The following CNTNAP2 variants were observed in gnomAD, a reference collection of about 807,000 sequenced individuals.
CNTNAP2 encodes contactin-associated protein-like 2.
CNTNAP2 carries 98 observed loss-of-function variants against 155.2 expected under a neutral mutation model. The ratio of observed to expected loss-of-function variants is 0.63; its 90% CI spans 0.54 to 0.75. The LOEUF (loss-of-function observed/expected upper bound fraction) is 0.75. CNTNAP2 is among the 30% of genes least tolerant of loss of function. The pLI is 0.00. For synonymous variants in CNTNAP2, 651 were observed against 631.2 expected (o/e 1.03, Z -0.47); for missense variants, 1,727 against 1,688.1 (o/e 1.02, Z -0.40).
chr7:146,850,973 A>G (rs1794867263), intron 3 of CNTNAP2, among the ~76,000 whole-genome samples: 3 of 151,774 alleles, frequency 2.0e-5, no homozygotes, highest in Non-Finnish European at 4.4e-5. Flanking sequence ...AGATGTTGGT[A>G]TTTTATTTAT....
At chr7:146,842,322 C>T (rs1421179178) in intron 3 of CNTNAP2, among the ~76,000 whole-genome samples, 1 of 152,102 alleles carries the variant, frequency 6.6e-6, no homozygotes, top group Non-Finnish European at 1.5e-5. Flanking sequence ...GATAAAGGTG[C>T]ATTTCTATTG....
intron 21 of CNTNAP2, among the ~76,000 whole-genome samples, chr7:148,345,869 T>G (rs947601790): frequency 6.6e-6 from 1 of 152,188 alleles, no homozygotes; most frequent in African/African-American, 2.4e-5. Context: ...TGGTGTGACA[T>G]TTGATGTAAA....
intron 2 of CNTNAP2, among the ~76,000 whole-genome samples, chr7:146,790,041 C>T (rs1802643338): frequency 6.6e-6 from 1 of 151,848 alleles, no homozygotes; most frequent in Non-Finnish European, 1.5e-5. Context: ...GACATTTTGC[C>T]TTTCATTTTG....
At chr7:146,968,900 G>T (rs1308937082) in intron 3 of CNTNAP2, among the ~76,000 whole-genome samples, 1 of 145,518 alleles carries the variant, frequency 6.9e-6, no homozygotes, top group Non-Finnish European at 1.5e-5. Flanking sequence ...TAATTGTGAT[G>T]TTAGGGTGTC....
intron 1 of CNTNAP2, among the ~76,000 whole-genome samples, chr7:146,651,912 C>T (rs989856070): frequency 6.6e-6 from 1 of 152,008 alleles, no homozygotes; most frequent in African/African-American, 2.4e-5. Context: ...ACTCAGACCA[C>T]GTGCACACAA....
chr7:146,379,711 C>A (rs1038481046), intron 1 of CNTNAP2, among the ~76,000 whole-genome samples: 2 of 152,198 alleles, frequency 1.3e-5, no homozygotes, highest in African/African-American at 4.8e-5. Flanking sequence ...TCCTCCAACT[C>A]TGTTTGACCT....
intron 16 of CNTNAP2, among the ~76,000 whole-genome samples, chr7:148,135,724 G>A (rs544895740): frequency 4.6e-4 from 66 of 143,732 alleles, no homozygotes; most frequent in African/African-American, 1.2e-3. Flanking sequence ...TGGCAGGTGC[G>A]TGTAATCCCA....
intron 3 of CNTNAP2, among the ~76,000 whole-genome samples, chr7:146,970,926 T>C (rs1233991940): frequency 1.3e-5 from 2 of 151,760 alleles, no homozygotes; most frequent in Non-Finnish European, 2.9e-5. Flanking sequence ...ATGGATGAAA[T>C]TGGAAATCAT....
chr7:147,208,773 T>C (rs1021888158), intron 8 of CNTNAP2, among the ~76,000 whole-genome samples: 14 of 151,998 alleles, frequency 9.2e-5, no homozygotes, highest in African/African-American at 3.4e-4. Context: ...CAAAAAACAA[T>C]AATGTAATTT....
At chr7:147,053,035 T>C (rs1051377275) in intron 4 of CNTNAP2, among the ~76,000 whole-genome samples, 1 of 152,136 alleles carries the variant, frequency 6.6e-6, no homozygotes, top group Non-Finnish European at 1.5e-5. Context: ...TGCTTTGTAA[T>C]AGACAGCTGT....
At chr7:146,507,081 G>A (rs1797395206) in intron 1 of CNTNAP2, among the ~76,000 whole-genome samples, 1 of 152,134 alleles carries the variant, frequency 6.6e-6, no homozygotes, top group African/African-American at 2.4e-5. Flanking sequence ...TTGCTAAGGT[G>A]GATATCTCTG....
intron 18 of CNTNAP2, among the ~76,000 whole-genome samples, chr7:148,185,929 C>T (rs372831190): frequency 1.3e-5 from 2 of 152,172 alleles, no homozygotes; most frequent in Admixed American, 1.3e-4. Flanking sequence ...CATACAACAA[C>T]CTCCTGAATC....
chr7:146,872,840 G>A (rs893875681), intron 3 of CNTNAP2, among the ~76,000 whole-genome samples: 15 of 152,144 alleles, frequency 9.9e-5, no homozygotes, highest in Non-Finnish European at 1.8e-4. Context: ...TCATGCAAAT[G>A]GTTCAGTGTT....
chr7:147,978,179 G>C (rs1195516453), intron 15 of CNTNAP2, 190 bp downstream of exon 15: 1 of 700,876 alleles, frequency 1.4e-6, no homozygotes, highest in African/African-American at 1.8e-5. Context: ...GCCGAGATTT[G>C]GGCATAAAGT....
intron 1 of CNTNAP2, among the ~76,000 whole-genome samples, chr7:146,720,865 ATATATATATTCTATATATATACTCTC>A (rs1022635602): frequency 5.0e-5 from 7 of 139,356 alleles, no homozygotes; most frequent in South Asian, 2.2e-4. Context: ...CTATGTAAAC[ATATATATATTCTATATATATACTCTC>A]TATATATATT....
rs527938545 is a variant in CNTNAP2, at chr7:146,378,827, T to G, written c.97+261854T>G. Among the ~76,000 whole-genome samples, 83 of 152,384 alleles carry G rather than the reference T, an allele frequency of 5.4e-4. 2 individuals carry two copies. The highest frequency in any genetic ancestry group is 1.0e-3 in the Non-Finnish European group (70 of 68,040). ...TTCTTGTTTTCCCTAAAATGACGACTTTGGGACTACTTATACATTTGCTGA... is the reference window on the plus strand; with the variant it reads ...TTCTTGTTTTCCCTAAAATGACGACGTTGGGACTACTTATACATTTGCTGA... On this transcript the variant is annotated intron_variant, in intron 1 of 23. Coordinates refer to ENST00000361727, the MANE Select transcript of CNTNAP2 (RefSeq NM_014141.6).
intron 9 of CNTNAP2, among the ~76,000 whole-genome samples, chr7:147,345,575 A>T (rs1795839780): frequency 6.6e-6 from 1 of 152,172 alleles, no homozygotes; most frequent in Non-Finnish European, 1.5e-5. Flanking sequence ...GTTTTCTCCC[A>T]ACTGCAAGAC....
At chr7:147,673,785 G>A (rs1404646981) in intron 13 of CNTNAP2, among the ~76,000 whole-genome samples, 1 of 152,044 alleles carries the variant, frequency 6.6e-6, no homozygotes, top group African/African-American at 2.4e-5. Context: ...GTTAATAATA[G>A]GAATTTAAAT....
chr7:146,327,035 A>G (rs1185760943), intron 1 of CNTNAP2, among the ~76,000 whole-genome samples: 1 of 152,192 alleles, frequency 6.6e-6, no homozygotes, highest in African/African-American at 2.4e-5. Context: ...GGTGCCACTT[A>G]TTTTATACTG....
Sources: gnomAD v4.1 joint callset for allele counts (sites outside exome capture counted in the v4.1 genomes callset) on GRCh38, gnomAD v4.1.1 for gene constraint, MANE v1.5 for transcripts, NCBI Gene and HGNC (gene_info 2026-07-23, HGNC 2026-07-21) for gene names.